The following EIF3C variants were observed in gnomAD, a reference collection of about 807,000 sequenced individuals.
The protein encoded by EIF3C is cell migration-inducing protein 17.
Under a neutral mutation model 11.1 loss-of-function variants are expected in EIF3C, and 2 were observed. The ratio of observed to expected loss-of-function variants is 0.18; its 90% CI spans 0.07 to 0.57. The LOEUF is 0.57. Among genes scored for constraint, EIF3C ranks in the 20% least tolerant of loss-of-function variants. The pLI is 0.92. For missense variants in EIF3C, 16 were observed against 114.6 expected, an observed-to-expected ratio of 0.14 and a Z score of 3.93; for synonymous variants, 2 against 41.5, an observed-to-expected ratio of 0.05 and a Z score of 3.66.
intron 1 of EIF3C, among the ~76,000 whole-genome samples, chr16:28,698,199 C>T (rs1259578485): frequency 6.7e-4 from 74 of 110,750 alleles, no homozygotes; most frequent in African/African-American, 2.1e-3. Context: ...CCAGTAGGGG[C>T]GGCCGGGCAG....
At chr16:28,733,087 C>CTT (rs1239614120) in intron 16 of EIF3C, among the ~76,000 whole-genome samples, 4 of 24,060 alleles carry the variant, frequency 1.7e-4, no homozygotes, top group African/African-American at 3.9e-4. Flanking sequence ...TTCTTTCTTT[C>CTT]TTTTTTTTTT....
At chr16:28,713,196 CTG>C (rs1289370870) in intron 2 of EIF3C, 1 of 80,932 alleles carries the variant, frequency 1.2e-5, no homozygotes, top group African/African-American at 4.7e-5. Context: ...CTGTTGCTGA[CTG>C]TGAGCCTGTG....
At chr16:28,712,208 C>CT (rs2048305585) in intron 2 of EIF3C, 1 of 79,850 alleles carries the variant, frequency 1.3e-5, no homozygotes, top group Non-Finnish European at 2.7e-5. Context: ...TACGCAGGTG[C>CT]TTAAACATTT....
At position 28,728,518 on chromosome 16, in the gene EIF3C, A is replaced by AGG. The variant is rs1218796792; in HGVS notation, c.1818+1276_1818+1277dup. On this transcript the variant is annotated intron_variant, in intron 15 of 20. Transcript: ENST00000331666. ...GGGGGTGTGTGTGTGTGTATCTTTT[A>AGG]GGGGTGTGTGTGTGTGTGTGTGTGT... is the stretch of plus-strand genomic sequence containing the variant. Among the ~76,000 whole-genome samples, 25 of 75,992 alleles carry AGG rather than the reference A, an allele frequency of 3.3e-4. 1 individual carries two copies. The highest frequency in any genetic ancestry group is 2.4e-4 in the Non-Finnish European group (7 of 29,686). The allele number at this position is 75,992 out of a possible 152,430, so 49.9% of individuals were successfully genotyped here.
intron 1 of EIF3C, among the ~76,000 whole-genome samples, chr16:28,692,581 A>C: frequency 7.4e-6 from 1 of 135,964 alleles, no homozygotes; most frequent in Admixed American, 7.4e-5. Flanking sequence ...AACATGGTGA[A>C]ACCCCGTCTC....
chr16:28,698,248 TG>T (rs1218530861), intron 1 of EIF3C, among the ~76,000 whole-genome samples: 1 of 78,126 alleles, frequency 1.3e-5, no homozygotes, highest in African/African-American at 5.1e-5. Context: ...GCTGGCCGGG[TG>T]GGGGGGCTGA....
At chr16:28,698,154 G>A (rs1316952055) in intron 1 of EIF3C, among the ~76,000 whole-genome samples, 1 of 98,452 alleles carries the variant, frequency 1.0e-5, no homozygotes, top group Non-Finnish European at 2.1e-5. Context: ...CCTCCCGGAC[G>A]GGGCGGCTGG....
chr16:28,728,497 G>C (rs1468321872), intron 15 of EIF3C, among the ~76,000 whole-genome samples: 2 of 62,066 alleles, frequency 3.2e-5, no homozygotes, highest in East Asian at 8.0e-4. Flanking sequence ...CTTTTAGGGG[G>C]TGTGTGTGTG....
Position 28,700,574 on chromosome 16 carries a change from A to T in EIF3C, c.-30-11083A>T, listed in dbSNP as rs1322147751. ...AGCTGCTTCTTGAGCTCCTCCTCCT[A>T]GTACTCCTGCTCCACCTGCTTTCTA... is the stretch of plus-strand genomic sequence containing the variant. On this transcript the variant is annotated intron_variant, in intron 1 of 20. Transcript: ENST00000566501. 1.1e-5 allele frequency: 3 copies of T among 280,836 alleles called. No individual in the cohort carries two copies. The African/African-American group carries it at 1.1e-4, about 10-fold the overall frequency. 17.4% of individuals were successfully genotyped at this position (280,836 alleles called of 1,614,324 possible). A position where few individuals can be genotyped will look rare whatever the true frequency, so the allele number is the denominator to read the frequency against.
In EIF3C at chr16:28,696,457, C is replaced by A. The variant is rs2048239512; in HGVS notation, c.-31+7629C>A. ...GAGAATGACTGTGGACTATGGGAAA[C>A]TCATTTAGATGGTGACTCCAATTGC... On this transcript the variant is annotated intron_variant, in intron 1 of 20. Transcript: ENST00000566501. 4.1e-5 allele frequency among the ~76,000 whole-genome samples: 2 copies of A among 48,336 alleles called. 1 individual carries two copies. Among genetic ancestry groups the A allele is most frequent in the Non-Finnish European group, 7.2e-5 (2 of 27,814 alleles). The allele number at this position is 48,336 out of a possible 152,430, so 31.7% of individuals were successfully genotyped here.
rs1355563567 is a variant in EIF3C, at chr16:28,698,637, G to C, written c.-31+9809G>C. Among the ~76,000 whole-genome samples, 4 of 88,090 alleles carry C rather than the reference G, an allele frequency of 4.5e-5. No individual in the cohort carries two copies. The East Asian group carries it at 1.5e-3, about 32-fold the overall frequency. The allele number at this position is 88,090 out of a possible 152,430, so 57.8% of individuals were successfully genotyped here. On this transcript the variant is annotated intron_variant, in intron 1 of 20. Coordinates refer to the EIF3C transcript ENST00000566501. ...CGGAGACACTCCTCACTTCCCAGATGGGGTGGCTGCCGGGCGGAGAGGCTC... is the reference window on the plus strand; with the variant it reads ...CGGAGACACTCCTCACTTCCCAGATCGGGTGGCTGCCGGGCGGAGAGGCTC...
At chr16:28,733,071 T>TTTTC (rs1307508164) in intron 16 of EIF3C, among the ~76,000 whole-genome samples, 4 of 47,312 alleles carry the variant, frequency 8.5e-5, no homozygotes, top group South Asian at 2.9e-3. Flanking sequence ...AAACTTGCCT[T>TTTTC]TTTCTTTCTT....
At position 28,699,785 on chromosome 16, in the gene EIF3C, CCACCCTCCT is replaced by C. The variant is rs1206122947; in HGVS notation, c.-31+10960_-31+10968del. 3.2e-5 allele frequency among the ~76,000 whole-genome samples: 3 copies of C among 92,366 alleles called. 1 individual carries two copies. The highest frequency in any genetic ancestry group is 1.5e-3 in the South Asian group (2 of 1,310). 60.6% of individuals were successfully genotyped at this position (92,366 alleles called of 152,430 possible). On this transcript the variant is annotated intron_variant, in intron 1 of 20. Coordinates refer to the EIF3C transcript ENST00000566501. Reference sequence around the variant, plus strand: ...TCTTCAACTTCTGACCTCAAGTGATCCACCCTCCTCAGCCTCCCAGCGTGCTGGGATTAC... The same window carrying C: ...TCTTCAACTTCTGACCTCAAGTGATCCAGCCTCCCAGCGTGCTGGGATTAC...
In EIF3C at chr16:28,712,271, A is replaced by AT. The variant is rs1344940308; in HGVS notation, c.101+497dup. 7.1e-3 allele frequency: 436 copies of AT among 61,574 alleles called. 66 individuals carry two copies. The highest frequency in any genetic ancestry group is 0.018 in the African/African-American group (332 of 18,312). 3.8% of individuals were successfully genotyped at this position (61,574 alleles called of 1,614,324 possible). ...ACCCATCCGCCATTTCTGTACATTA[A>AT]TTTTTTTTTTTTTACCCTTTGGAAC... On this transcript the variant is annotated intron_variant, in intron 2 of 20. Coordinates refer to ENST00000331666, the MANE Select transcript of EIF3C (RefSeq NM_003752.5).
chr16:28,725,827 CT>C (rs144623826), intron 13 of EIF3C, among the ~76,000 whole-genome samples: 26,056 of 117,580 alleles, frequency 0.22, 81 homozygotes, highest in Admixed American at 0.28. Context: ...TGGCTCACGC[CT>C]GTAATCCTAG....
At chr16:28,692,040 C>A (rs1360529219) in intron 1 of EIF3C, among the ~76,000 whole-genome samples, 2 of 68,260 alleles carry the variant, frequency 2.9e-5, no homozygotes, top group African/African-American at 7.6e-5. Context: ...TGGTCTTGAA[C>A]TCCTGGGCTC....
At chr16:28,700,545 G>C (rs2048275697) in intron 1 of EIF3C, 2 of 300,544 alleles carry the variant, frequency 6.7e-6, no homozygotes, top group Non-Finnish European at 1.2e-5. Flanking sequence ...GGCCATCAGG[G>C]CCAAGCTGCT....
In EIF3C at chr16:28,698,578, C is replaced by T. The variant is rs2048260138; in HGVS notation, c.-31+9750C>T. 4.2e-5 allele frequency among the ~76,000 whole-genome samples: 4 copies of T among 95,526 alleles called. 1 individual carries two copies. Among genetic ancestry groups the T allele is most frequent in the Non-Finnish European group, 5.6e-5 (3 of 53,506 alleles). 62.7% of individuals were successfully genotyped at this position (95,526 alleles called of 152,430 possible). A position where few individuals can be genotyped will look rare whatever the true frequency, so the allele number is the denominator to read the frequency against. On this transcript the variant is annotated intron_variant, in intron 1 of 20. Transcript: ENST00000566501. ...GGACGGGGTGGCTGCCGGGCGGAGA[C>T]GCTCCTCACTTCCCAGATGGGGTGG...
chr16:28,698,579 G>T (rs1427950960), intron 1 of EIF3C, among the ~76,000 whole-genome samples: 68 of 67,390 alleles, frequency 1.0e-3, no homozygotes, highest in East Asian at 2.8e-3. Flanking sequence ...GGGCGGAGAC[G>T]CTCCTCACTT....
Sources: allele counts gnomAD v4.1 joint callset (sites outside exome capture counted in the v4.1 genomes callset), GRCh38; gene constraint gnomAD v4.1.1; transcripts MANE v1.5; gene names NCBI Gene and HGNC (gene_info 2026-07-23, HGNC 2026-07-21).